Variants in CLASP1 observed in about 807,000 individuals in gnomAD.
CLASP1 encodes the protein cytoplasmic linker associated protein 1.
A neutral mutation model predicts 192.3 loss-of-function variants in CLASP1; 38 were observed. That is an observed-to-expected ratio of 0.20 (90% CI 0.15 to 0.26). CLASP1 has a LOEUF of 0.26. Ranked by LOEUF, CLASP1 falls within the 10% of genes least tolerant of loss-of-function variation. CLASP1 has a pLI of 1.00. For synonymous variants in CLASP1, 691 were observed against 712.8 expected, an observed-to-expected ratio of 0.97 and a Z score of 0.49; for missense variants, 1,433 against 1,932.5, an observed-to-expected ratio of 0.74 and a Z score of 4.85.
chr2:121,625,458 G>A (rs375065465), intron 1 of CLASP1, among the ~76,000 whole-genome samples: 22 of 133,206 alleles, frequency 1.7e-4, no homozygotes, highest in African/African-American at 4.8e-4. Flanking sequence ...TTTTTGAGAC[G>A]GAGTCTCGCT....
rs759635406 is a variant in CLASP1 at position 121,387,105 on chromosome 2, TAAAGA to T, written c.3374+12_3374+16del. On this transcript the variant is annotated intron_variant, in intron 32 of 39. Transcript: ENST00000263710. ...TTAGTTTCTTTACATCTGTGGAAAG[TAAAGA>T]AGTGACCTTACCTTGGAGACAGACC... The T allele has an allele frequency of 3.7e-6, 6 of 1,600,376 alleles. No individual in the cohort carries two copies. The highest frequency in any genetic ancestry group is 1.3e-5 in the African/African-American group (1 of 74,588).
chr2:121,540,186 C>T (rs1470971278), intron 2 of CLASP1, among the ~76,000 whole-genome samples: 2 of 152,160 alleles, frequency 1.3e-5, no homozygotes, highest in Non-Finnish European at 2.9e-5. Flanking sequence ...AACTAGAAAT[C>T]CTTAAGTCCA....
At chr2:121,553,424 C>T (rs888143900) in intron 2 of CLASP1, among the ~76,000 whole-genome samples, 1 of 152,036 alleles carries the variant, frequency 6.6e-6, no homozygotes, top group Non-Finnish European at 1.5e-5. Context: ...GAAAAATGGG[C>T]CAGGCATGGT....
chr2:121,396,713 G>A (rs553163335), intron 30 of CLASP1, among the ~76,000 whole-genome samples: 48 of 152,292 alleles, frequency 3.2e-4, no homozygotes, highest in African/African-American at 4.1e-4. Context: ...TATGTGCTAC[G>A]TATTGAAAGA....
intron 1 of CLASP1, among the ~76,000 whole-genome samples, chr2:121,645,348 TA>T (rs2106368658): frequency 6.6e-6 from 1 of 152,340 alleles, no homozygotes; most frequent in South Asian, 2.1e-4. Context: ...AGTAGTAATC[TA>T]AAAACATTTC....
At chr2:121,426,022 C>G (rs2080311168) in intron 21 of CLASP1, among the ~76,000 whole-genome samples, 1 of 151,942 alleles carries the variant, frequency 6.6e-6, no homozygotes, top group African/African-American at 2.4e-5. Flanking sequence ...GTACATGCCT[C>G]TAGTCCCAGC....
rs1431068090 is a variant in CLASP1 at position 121,528,016 on chromosome 2, A to T, written c.379-126T>A. 6.8e-5 allele frequency: 44 copies of T among 647,130 alleles called. No homozygotes were observed. In the East Asian group the frequency reaches 1.2e-3, roughly 18 times the overall value. The allele number at this position is 647,130 out of a possible 1,614,324, so 40.1% of individuals were successfully genotyped here. A position where few individuals can be genotyped will look rare whatever the true frequency, so the allele number is the denominator to read the frequency against. On this transcript the variant is annotated intron_variant, in intron 4 of 39. Coordinates refer to ENST00000263710, the Ensembl canonical transcript of CLASP1. ...AGTCCCATCCTCTACCAACACATTT[A>T]ATCCTCTCGAGAGCATACTGGAAAA...
intron 2 of CLASP1, among the ~76,000 whole-genome samples, chr2:121,603,426 A>G (rs887278779): frequency 6.6e-6 from 1 of 152,178 alleles, no homozygotes; most frequent in African/African-American, 2.4e-5. Flanking sequence ...AAAAAATAAT[A>G]AATGCTGATG....
chr2:121,469,985 C>T (rs375839222), intron 8 of CLASP1, 25 bp from the exon 9 acceptor site: 18 of 1,581,250 alleles, frequency 1.1e-5, no homozygotes, highest in East Asian at 6.7e-5. Context: ...CAGAAACCAA[C>T]GTTTTTTTAA....
At chr2:121,644,741 G>A (rs1262303957) in intron 1 of CLASP1, among the ~76,000 whole-genome samples, 1 of 152,100 alleles carries the variant, frequency 6.6e-6, no homozygotes, top group African/African-American at 2.4e-5. Flanking sequence ...CCAGCAGTTC[G>A]AGACCAGCAT....
chr2:121,572,583 C>T (rs1431788095), intron 2 of CLASP1, among the ~76,000 whole-genome samples: 8 of 151,788 alleles, frequency 5.3e-5, no homozygotes, highest in Admixed American at 3.3e-4. Context: ...GAAAGAGGAA[C>T]ATTTGAAACA....
chr2:121,611,086 T>G (rs1383558855), intron 1 of CLASP1, among the ~76,000 whole-genome samples: 303 of 47,698 alleles, frequency 6.4e-3, no homozygotes, highest in Admixed American at 9.6e-3. Context: ...GGAGGAGGAG[T>G]TGGAGGAGTT....
chr2:121,483,727 G>T (rs1199256378), intron 8 of CLASP1, among the ~76,000 whole-genome samples: 1 of 151,882 alleles, frequency 6.6e-6, no homozygotes, highest in Non-Finnish European at 1.5e-5. Context: ...TTTAGTTGAT[G>T]GTTTTCAATG....
intron 26 of CLASP1, 84 bp from the exon 28 acceptor site, chr2:121,401,954 C>T (rs773373001): frequency 1.2e-4 from 65 of 549,208 alleles, no homozygotes; most frequent in African/African-American, 9.3e-5. Context: ...CATTTTCATG[C>T]GTTTTTTTAA....
At chr2:121,376,610 T>C (rs980823423) in intron 34 of CLASP1, among the ~76,000 whole-genome samples, 2 of 152,138 alleles carry the variant, frequency 1.3e-5, no homozygotes, top group Non-Finnish European at 2.9e-5. Flanking sequence ...TAATGCTCTA[T>C]AGCAGGAGTC....
Position 121,530,330 on chromosome 2 carries a change from A to G in CLASP1, c.196-5T>C, listed in dbSNP as rs1279035720. 2 of 1,548,952 alleles carry G rather than the reference A, an allele frequency of 1.3e-6. No individual in the cohort carries two copies. Among genetic ancestry groups the G allele is most frequent in the Admixed American group, 3.9e-5 (2 of 50,952 alleles). ...GTCCATGCCCAGCAGAACCACCTGC[A>G]GCGGGAAACACCGGGAGCCTGTTAG... is the stretch of plus-strand genomic sequence containing the variant. On this transcript the variant is annotated splice_region_variant and splice_polypyrimidine_tract_variant and intron_variant, in intron 2 of 39. Coordinates refer to ENST00000263710, the Ensembl canonical transcript of CLASP1.
At chr2:121,573,942 G>A (rs79031835) in intron 2 of CLASP1, among the ~76,000 whole-genome samples, 6,893 of 152,246 alleles carry the variant, frequency 0.045, 224 homozygotes, top group Non-Finnish European at 0.063. Flanking sequence ...TTTGCAGAGA[G>A]TAGAGTGGTG....
rs139095697 is a variant in CLASP1, at chr2:121,383,991, G to GATATAT, written c.3375-1673_3375-1668dup. Among the ~76,000 whole-genome samples the GATATAT allele has an allele frequency of 1.7e-3, 215 of 129,532 alleles. 3 individuals are homozygous for GATATAT. The East Asian group carries it at 0.035, about 21-fold the overall frequency. 85.0% of individuals were successfully genotyped at this position (129,532 alleles called of 152,430 possible). On this transcript the variant is annotated intron_variant, in intron 32 of 39. Transcript: ENST00000263710. ...AAAAAAATGACTTCCTCACTGGTGAGATATATATATATATATACACACACA... is the reference window on the plus strand; with the variant it reads ...AAAAAAATGACTTCCTCACTGGTGAGATATATATATATATATATATATACACACACA...
At chr2:121,375,693 T>C (rs2069939548) in intron 34 of CLASP1, among the ~76,000 whole-genome samples, 2 of 152,132 alleles carry the variant, frequency 1.3e-5, no homozygotes, top group Non-Finnish European at 2.9e-5. Context: ...GAGAACTGAC[T>C]AATACAACAT....
Sources: allele counts gnomAD v4.1 joint callset (sites outside exome capture counted in the v4.1 genomes callset), GRCh38; gene constraint gnomAD v4.1.1; transcripts MANE v1.5; gene names NCBI Gene and HGNC (gene_info 2026-07-23, HGNC 2026-07-21).